Variants in RAP1GAP observed in about 807,000 individuals in gnomAD.
RAP1GAP encodes RAP1 GTPase activating protein, also known as rap1 GTPase-activating protein 1.
Under a neutral mutation model 87.2 loss-of-function variants are expected in RAP1GAP, and 35 were observed. The observed-to-expected ratio is 0.40, with a 90% CI of 0.31 to 0.53. RAP1GAP has a LOEUF of 0.53. Among genes scored for constraint, RAP1GAP ranks in the 20% least tolerant of loss-of-function variants. The pLI is 0.48. For missense variants in RAP1GAP, 734 were observed against 898.9 expected (o/e 0.82, Z 2.35); for synonymous variants, 375 against 363.9 (o/e 1.03, Z -0.35).
chr1:21,637,039 T>G (rs939412881), intron 2 of RAP1GAP, among the ~76,000 whole-genome samples: 1 of 151,348 alleles, frequency 6.6e-6, no homozygotes, highest in African/African-American at 2.4e-5. Context: ...AGTGAGCTTC[T>G]CAGAGGTGCA....
rs537362331 is a variant in RAP1GAP, at chr1:21,596,824, A to G, written c.*475T>C. On this transcript the variant is annotated 3_prime_UTR_variant, in exon 25 of 25. Coordinates refer to ENST00000374765, the MANE Select transcript of RAP1GAP (RefSeq NM_002885.4). ...TGCCCAGAGTCACACAGCAGAACCC[A>G]AATTGGAAACCAGGACCCGGCTCCC... 1 of 152,522 alleles carries G rather than the reference A, an allele frequency of 6.6e-6. No individual in the cohort carries two copies. The highest frequency in any genetic ancestry group is 2.4e-5 in the African/African-American group (1 of 41,566). The allele number at this position is 152,522 out of a possible 1,614,324, so 9.4% of individuals were successfully genotyped here.
intron 2 of RAP1GAP, among the ~76,000 whole-genome samples, chr1:21,637,097 T>A (rs2094858285): frequency 6.6e-6 from 1 of 150,804 alleles, no homozygotes; most frequent in Non-Finnish European, 1.5e-5. Flanking sequence ...GTGGGGGGTT[T>A]GACTGGAGGA....
rs1051264305 is a variant in RAP1GAP at position 21,668,179 on chromosome 1, G to C, written c.-149+1075C>G. On this transcript the variant is annotated intron_variant, in intron 1 of 24. Coordinates refer to ENST00000374765, the MANE Select transcript of RAP1GAP (RefSeq NM_002885.4). This position sits in a 1 kb window ranked among gnomAD's most constrained non-coding sequence, Gnocchi z 6.2. The stretch of plus-strand genomic sequence containing the variant: ...GAGGGACCACTACCTGTGCAGGGGG[G>C]GCCAGGAGCCTCCTGAGAGCCTCAT... 6.6e-6 allele frequency among the ~76,000 whole-genome samples: 1 copy of C among 152,152 alleles called. No homozygotes were observed. Among genetic ancestry groups the C allele is most frequent in the Non-Finnish European group, 1.5e-5 (1 of 68,002 alleles).
At chr1:21,637,786 G>C (rs2094994300) in intron 2 of RAP1GAP, among the ~76,000 whole-genome samples, 1 of 152,042 alleles carries the variant, frequency 6.6e-6, no homozygotes, top group African/African-American at 2.4e-5. Flanking sequence ...AGTGAATAAA[G>C]CGGGCTGCAC....
chr1:21,650,862 T>G (rs971072552), intron 1 of RAP1GAP, among the ~76,000 whole-genome samples: 15 of 149,316 alleles, frequency 1.0e-4, no homozygotes, highest in African/African-American at 3.4e-4. Context: ...ACCTCAGAAG[T>G]TGAGCGTCCA....
chr1:21,610,656 A>G (rs2077654290), intron 13 of RAP1GAP, among the ~76,000 whole-genome samples: 1 of 152,128 alleles, frequency 6.6e-6, no homozygotes, highest in African/African-American at 2.4e-5. Context: ...AAGGTGCTAT[A>G]ATGAGCTATA....
At position 21,603,279 on chromosome 1, in the gene RAP1GAP, A is replaced by G. The variant is rs1347500027; in HGVS notation, c.1429-366T>C. The G allele has an allele frequency of 2.6e-6, 1 of 388,290 alleles. No homozygotes were observed. The highest frequency in any genetic ancestry group is 4.6e-5 in the East Asian group (1 of 21,630). 24.1% of individuals were successfully genotyped at this position (388,290 alleles called of 1,614,324 possible). A position where few individuals can be genotyped will look rare whatever the true frequency, so the allele number is the denominator to read the frequency against. On this transcript the variant is annotated intron_variant, in intron 18 of 24. Transcript: ENST00000374765. The surrounding 1 kb of genome is among the most constrained non-coding windows in gnomAD (Gnocchi z 6.0). The stretch of plus-strand genomic sequence containing the variant: ...AAGGGCAGTGGTCAGAGGGCAGTGT[A>G]GCAACCCAAGTCCCACCCCGTGCCA...
intron 3 of RAP1GAP, among the ~76,000 whole-genome samples, chr1:21,620,725 C>G (rs747662): frequency 0.92 from 139,611 of 152,190 alleles, 64,046 homozygotes; most frequent in East Asian, 0.97. Flanking sequence ...TGGCCCGGCT[C>G]GGGGCTGGGC....
intron 1 of RAP1GAP, among the ~76,000 whole-genome samples, chr1:21,654,013 C>T (rs2096756860): frequency 6.6e-6 from 1 of 150,876 alleles, no homozygotes; most frequent in Non-Finnish European, 1.5e-5. Flanking sequence ...AGGGTTCCCA[C>T]CGAAGACAAA....
rs554937285 is a variant in RAP1GAP, at chr1:21,663,821, A to G, written c.-149+5433T>C. On this transcript the variant is annotated intron_variant, in intron 1 of 24. Coordinates refer to ENST00000374765, the MANE Select transcript of RAP1GAP (RefSeq NM_002885.4). ...TCACAGCCTCTGAGGTGGCTCAGGC[A>G]TCTGATCCTCACCCACTGCCCCCAA... 5.9e-5 allele frequency among the ~76,000 whole-genome samples: 9 copies of G among 152,288 alleles called. No individual in the cohort carries two copies. In the East Asian group the frequency reaches 1.7e-3, roughly 29 times the overall value.
chr1:21,602,060 G>C (rs1394220602), intron 19 of RAP1GAP, among the ~76,000 whole-genome samples: 3 of 152,190 alleles, frequency 2.0e-5, no homozygotes, highest in Non-Finnish European at 4.4e-5. Flanking sequence ...TCCCATTATG[G>C]ATAAGGAACC....
At chr1:21,630,175 C>T (rs1292399512) in intron 2 of RAP1GAP, among the ~76,000 whole-genome samples, 1 of 152,192 alleles carries the variant, frequency 6.6e-6, no homozygotes, top group Non-Finnish European at 1.5e-5. Flanking sequence ...AAGATTTGAC[C>T]TCCCCCAACA....
rs755209828 is a variant in RAP1GAP at position 21,627,409 on chromosome 1, CTTTTTT to C, written c.-112-1018_-112-1013del. 4.8e-5 allele frequency among the ~76,000 whole-genome samples: 6 copies of C among 125,242 alleles called. No individual in the cohort carries two copies. In the East Asian group the frequency reaches 1.1e-3, roughly 22 times the overall value. 82.2% of individuals were successfully genotyped at this position (125,242 alleles called of 152,430 possible). A position where few individuals can be genotyped will look rare whatever the true frequency, so the allele number is the denominator to read the frequency against. On this transcript the variant is annotated intron_variant, in intron 2 of 24. Transcript: ENST00000374765. ...GAGAAAGCTGTGAGCCTCCCTTCTT[CTTTTTT>C]TTTTTTTTTTTTTTTTATGACAGAG...
chr1:21,602,191 G>A (rs990133689), intron 19 of RAP1GAP, among the ~76,000 whole-genome samples: 1 of 152,218 alleles, frequency 6.6e-6, no homozygotes. Context: ...CCTCTCAGGG[G>A]ACCTGGCCCT....
At position 21,660,345 on chromosome 1, in the gene RAP1GAP, A is replaced by ATATATATATATATATATATATATTTATT; in HGVS notation, c.-149+8908_-149+8909insAATAAATATATATATATATATATATATA. ...AGAGTGGGTTCCAACTCAGCTATAT[A>ATATATATATATATATATATATATTTATT]TATTTATTGAGACAGTCTCGCTCTG... On this transcript the variant is annotated intron_variant, in intron 1 of 24. Transcript: ENST00000374765. Among the ~76,000 whole-genome samples, 12 of 92,608 alleles carry ATATATATATATATATATATATATTTATT rather than the reference A, an allele frequency of 1.3e-4. 1 individual carries two copies. In the South Asian group the frequency reaches 1.9e-3, roughly 14 times the overall value. 60.8% of individuals were successfully genotyped at this position (92,608 alleles called of 152,430 possible).
intron 2 of RAP1GAP, among the ~76,000 whole-genome samples, chr1:21,628,257 AAT>A (rs1021415638): frequency 4.6e-5 from 7 of 152,012 alleles, no homozygotes; most frequent in African/African-American, 1.7e-4. Flanking sequence ...GGTCCATAGA[AAT>A]AGTTACCGGC....
At chr1:21,618,959 G>A in intron 5 of RAP1GAP, 66 bp downstream of exon 5, 1 of 1,471,412 alleles carries the variant, frequency 6.8e-7, no homozygotes, top group Non-Finnish European at 9.3e-7. Flanking sequence ...GATGGGCAGT[G>A]GTGGCAGCAC....
chr1:21,619,775 T>C (rs1307510521), intron 4 of RAP1GAP, among the ~76,000 whole-genome samples: 3 of 152,046 alleles, frequency 2.0e-5, no homozygotes, highest in African/African-American at 4.8e-5. Context: ...CCCAGCCCTG[T>C]TGCAGTTCCA....
At chr1:21,659,741 A>C (rs1217663615) in intron 1 of RAP1GAP, among the ~76,000 whole-genome samples, 1 of 152,214 alleles carries the variant, frequency 6.6e-6, no homozygotes, top group East Asian at 1.9e-4. Flanking sequence ...TCGGGACCTC[A>C]GTCCCTATCA....
Sources: gnomAD v4.1 joint callset for allele counts (sites outside exome capture counted in the v4.1 genomes callset) on GRCh38, gnomAD v4.1.1 for gene constraint, Gnocchi (gnomAD v3.1) non-coding constraint, MANE v1.5 for transcripts, NCBI Gene and HGNC (gene_info 2026-07-23, HGNC 2026-07-21) for gene names.